Variants in RAD54B observed in about 807,000 individuals in gnomAD.
The protein encoded by RAD54B is DNA repair and recombination protein RAD54B.
A neutral mutation model predicts 95.8 loss-of-function variants in RAD54B; 78 were observed. That is an observed-to-expected ratio of 0.81 (90% CI 0.68 to 0.98). The LOEUF (loss-of-function observed/expected upper bound fraction) is 0.98, where lower values mean the gene tolerates loss of function less well. Among genes scored for constraint, RAD54B ranks in the 50% least tolerant of loss-of-function variants. RAD54B has a pLI of 0.00. For missense variants in RAD54B, 957 were observed against 1,056.6 expected (o/e 0.91, Z 1.31); for synonymous variants, 328 against 354.9 (o/e 0.92, Z 0.85).
At chr8:94,426,168 G>A (rs947914862) in intron 3 of RAD54B, among the ~76,000 whole-genome samples, 1 of 151,582 alleles carries the variant, frequency 6.6e-6, no homozygotes, top group Admixed American at 6.6e-5. Context: ...GGCCAGGCTG[G>A]TTTCGAACTC....
chr8:94,452,075 G>A (rs899170177), intron 3 of RAD54B, among the ~76,000 whole-genome samples: 1 of 152,160 alleles, frequency 6.6e-6, no homozygotes, highest in African/African-American at 2.4e-5. Context: ...TTCATAGATG[G>A]CACTGTCTCC....
chr8:94,375,072 C>G (rs1447715129), intron 14 of RAD54B, among the ~76,000 whole-genome samples: 1 of 152,118 alleles, frequency 6.6e-6, no homozygotes, highest in African/African-American at 2.4e-5. Flanking sequence ...TAGTGTATTT[C>G]TGGGAGTGTG....
At chr8:94,430,936 T>C (rs926001733) in intron 3 of RAD54B, 18 of 985,260 alleles carry the variant, frequency 1.8e-5, no homozygotes, top group African/African-American at 3.5e-5. Flanking sequence ...TGTGCTTATA[T>C]ACTCAATCCA....
chr8:94,411,264 G>T lies in RAD54B; in HGVS notation c.356C>A (p.Ser119Tyr), dbSNP rs773897375. 33 of 1,607,266 alleles carry T rather than the reference G, an allele frequency of 2.1e-5. 1 individual carries two copies. The Middle Eastern group carries it at 5.0e-4, about 24-fold the overall frequency. ...ACTGAAATATTTAACTAGGCTATCA[G>T]ATTTCTCTTCTTGTTCCTTGGACAC... ...VAVSKEQEEKSDSLVKYFSVV... is the reference protein window; with the variant it reads ...VAVSKEQEEKYDSLVKYFSVV... Residue 119 changes from serine to tyrosine, a missense_variant, in exon 4 of 15, where the codon TCT becomes TAT. Physicochemically the swap from Ser to Tyr is moderately radical, Grantham distance 144 (BLOSUM62 -2). Coordinates refer to ENST00000336148, the MANE Select transcript of RAD54B (RefSeq NM_012415.3).
At chr8:94,446,669 C>T (rs2130148698) in intron 3 of RAD54B, among the ~76,000 whole-genome samples, 1 of 152,300 alleles carries the variant, frequency 6.6e-6, no homozygotes, top group East Asian at 1.9e-4. Context: ...CTGAAGTACA[C>T]TGCACTTCAT....
chr8:94,419,925 T>C (rs1353517993), intron 3 of RAD54B, among the ~76,000 whole-genome samples: 1 of 152,106 alleles, frequency 6.6e-6, no homozygotes, highest in Non-Finnish European at 1.5e-5. Flanking sequence ...TCCCGTAACA[T>C]CTTAATACCA....
chr8:94,451,012 T>C (rs573562062), intron 3 of RAD54B, among the ~76,000 whole-genome samples: 18 of 152,308 alleles, frequency 1.2e-4, no homozygotes, highest in Non-Finnish European at 2.4e-4. Flanking sequence ...TGGTTTTTAA[T>C]ATTTATAGAT....
intron 6 of RAD54B, 106 bp downstream of exon 6, chr8:94,403,971 T>C: frequency 2.3e-6 from 2 of 874,858 alleles, no homozygotes; most frequent in Non-Finnish European, 1.6e-6. Context: ...AAATTCATAG[T>C]GTACCCTCAG....
chr8:94,429,090 A>G lies in RAD54B; in HGVS notation c.305-17775T>C, dbSNP rs1035717457. On this transcript the variant is annotated intron_variant, in intron 3 of 14. Coordinates refer to ENST00000336148, the MANE Select transcript of RAD54B (RefSeq NM_012415.3). ...CAAGACTGACTTGGAGAAAAACAAGATTGACTTGGAAAAGTTGCTGCAGTA... is the reference window on the plus strand; with the variant it reads ...CAAGACTGACTTGGAGAAAAACAAGGTTGACTTGGAAAAGTTGCTGCAGTA... The G allele has an allele frequency of 4.1e-6, 4 of 985,274 alleles. No homozygotes were observed. The African/African-American group carries it at 7.0e-5, about 17-fold the overall frequency. The allele number at this position is 985,274 out of a possible 1,614,324, so 61.0% of individuals were successfully genotyped here. A position where few individuals can be genotyped will look rare whatever the true frequency, so the allele number is the denominator to read the frequency against.
intron 3 of RAD54B, among the ~76,000 whole-genome samples, chr8:94,449,056 A>ACACG (rs1812591479): frequency 6.6e-6 from 1 of 151,772 alleles, no homozygotes; most frequent in Non-Finnish European, 1.5e-5. Flanking sequence ...ATGCACACAC[A>ACACG]CACACACACA....
chr8:94,379,389 C>T (rs1319551993), intron 12 of RAD54B, among the ~76,000 whole-genome samples: 1 of 152,180 alleles, frequency 6.6e-6, no homozygotes, highest in Non-Finnish European at 1.5e-5. Flanking sequence ...GGACAATATT[C>T]TATATGCACT....
chr8:94,377,568 A>C (rs1403017070), intron 14 of RAD54B, among the ~76,000 whole-genome samples: 29 of 147,292 alleles, frequency 2.0e-4, no homozygotes, highest in African/African-American at 6.3e-4. Flanking sequence ...AAAAAAAAAA[A>C]AAAAAAAAAA....
At chr8:94,463,153 G>A (rs1159307976) in intron 2 of RAD54B, among the ~76,000 whole-genome samples, 3 of 151,444 alleles carry the variant, frequency 2.0e-5, no homozygotes, top group Non-Finnish European at 4.4e-5. Flanking sequence ...TCCAGCATGG[G>A]TGACAGAGCA....
At chr8:94,473,317 G>C (rs1813213359) in intron 1 of RAD54B, among the ~76,000 whole-genome samples, 1 of 152,164 alleles carries the variant, frequency 6.6e-6, no homozygotes, top group Admixed American at 6.5e-5. Context: ...ACACCAGATA[G>C]CCACAAGTAC....
intron 4 of RAD54B, among the ~76,000 whole-genome samples, chr8:94,410,849 C>T (rs945836865): frequency 6.6e-6 from 1 of 151,986 alleles, no homozygotes; most frequent in African/African-American, 2.4e-5. Flanking sequence ...CAGAAAAGTA[C>T]CAAAATAACT....
chr8:94,374,294 A>C (rs926074836), intron 14 of RAD54B, among the ~76,000 whole-genome samples: 10 of 152,124 alleles, frequency 6.6e-5, no homozygotes, highest in African/African-American at 2.4e-4. Context: ...AAAAAAAGAA[A>C]AGAGATGACA....
chr8:94,466,420 T>TGG (rs201714764), intron 2 of RAD54B, among the ~76,000 whole-genome samples: 1 of 150,842 alleles, frequency 6.6e-6, no homozygotes, highest in Admixed American at 6.6e-5. Context: ...TTTTTTTTTT[T>TGG]TGGGGGGGAC....
chr8:94,459,723 G>A (rs567326960), intron 2 of RAD54B, among the ~76,000 whole-genome samples: 38 of 151,440 alleles, frequency 2.5e-4, no homozygotes, highest in Non-Finnish European at 4.6e-4. Context: ...AGCCAGACAC[G>A]GTGGTGCACG....
chr8:94,397,140 C>T (rs568202944), intron 8 of RAD54B, among the ~76,000 whole-genome samples: 4 of 152,294 alleles, frequency 2.6e-5, no homozygotes, highest in South Asian at 2.1e-4. Flanking sequence ...ATTAACTCCA[C>T]AGCACTGGGC....
Sources: gnomAD v4.1 joint callset for allele counts (sites outside exome capture counted in the v4.1 genomes callset) on GRCh38, gnomAD v4.1.1 for gene constraint, MANE v1.5 for transcripts, NCBI Gene and HGNC (gene_info 2026-07-23, HGNC 2026-07-21) for gene names.